ZNF454: variants seen among roughly 807,000 people sequenced by gnomAD.
ZNF454 encodes the protein zinc finger protein 454.
A neutral mutation model predicts 48.2 loss-of-function variants in ZNF454; 30 were observed. The observed-to-expected ratio is 0.62, with a 90% confidence interval of 0.47 to 0.84. The LOEUF (loss-of-function observed/expected upper bound fraction) is 0.84. Among genes scored for constraint, ZNF454 ranks in the 40% least tolerant of loss-of-function variants. The probability of loss-of-function intolerance (pLI) is 0.00; values close to 1 mark genes in which losing one functional copy is unlikely to be tolerated. For synonymous variants in ZNF454, 204 were observed against 211.4 expected (o/e 0.97, Z 0.30); for missense variants, 510 against 623.1 (o/e 0.82, Z 1.93).
chr5:178,981,709 G>A, the ZNF454 span: 2 of 1,614,144 alleles, frequency 1.2e-6, no homozygotes, highest in Non-Finnish European at 1.7e-6. This position sits in a 1 kb window ranked among gnomAD's most constrained non-coding sequence, Gnocchi z 5.1. Context: ...CACCGTGGAG[G>A]TGGCCTTGAG....
rs555544692 is a variant in ZNF454 at position 178,944,548 on chromosome 5, G to T, written c.33+1724G>T. Reference sequence around the variant, plus strand: ...CATGGCTTCCATCCAAGTGTTTCTTGACTGCCTGTCATGGGCCAAGTCTCT... The same window carrying T: ...CATGGCTTCCATCCAAGTGTTTCTTTACTGCCTGTCATGGGCCAAGTCTCT... On this transcript the variant is annotated intron_variant, in intron 2 of 4. Coordinates refer to ENST00000519564, the MANE Select transcript of ZNF454 (RefSeq NM_001178089.3). The surrounding 1 kb of genome is among the most constrained non-coding windows in gnomAD (Gnocchi z 4.1). 2.0e-5 allele frequency among the ~76,000 whole-genome samples: 3 copies of T among 152,300 alleles called. No homozygotes were observed. The highest frequency in any genetic ancestry group is 2.0e-4 in the Admixed American group (3 of 15,306).
In ZNF454 at chr5:178,966,290, C is replaced by T. The variant is rs975203862; in HGVS notation, c.*317C>T. 2.2e-5 allele frequency: 4 copies of T among 180,298 alleles called. No homozygotes were observed. The highest frequency in any genetic ancestry group is 1.1e-4 in the Admixed American group (2 of 18,092). 11.2% of individuals were successfully genotyped at this position (180,298 alleles called of 1,614,324 possible). ...GCTACTAAAAATATAAAAAATTACC[C>T]GGGCATGGTGGTGGGCGCCTGTAGT... On this transcript the variant is annotated 3_prime_UTR_variant, in exon 5 of 5. Transcript: ENST00000519564.
intron 4 of ZNF454, among the ~76,000 whole-genome samples, chr5:178,956,028 G>A (rs567367092): frequency 3.9e-5 from 6 of 152,132 alleles, no homozygotes; most frequent in African/African-American, 1.4e-4. Flanking sequence ...CTTCTCTCAG[G>A]AACCACTGTC....
intron 4 of ZNF454, among the ~76,000 whole-genome samples, chr5:178,960,189 G>A (rs903330710): frequency 3.3e-5 from 5 of 151,314 alleles, no homozygotes; most frequent in East Asian, 2.0e-4. Context: ...AGACTCAAGC[G>A]GTCCTCCTGC....
downstream of ZNF454, chr5:178,969,553 T>C (rs1760210751): frequency 2.2e-6 from 1 of 456,892 alleles, no homozygotes; most frequent in African/African-American, 2.0e-5. Context: ...CACCTGGTGA[T>C]GTGCCACCTT....
At chr5:178,988,192 C>T in the ZNF454 span, among the ~76,000 whole-genome samples, 2 of 152,150 alleles carry the variant, frequency 1.3e-5, no homozygotes, top group South Asian at 2.1e-4. The surrounding 1 kb of genome is among the most constrained non-coding windows in gnomAD (Gnocchi z 6.0). Flanking sequence ...AGTTCAGACA[C>T]GGAGAGAGGT....
In ZNF454 at chr5:178,946,995, C is replaced by T. The variant is rs753058762; in HGVS notation, c.250+9C>T. The T allele has an allele frequency of 5.0e-5, 81 of 1,612,710 alleles. No homozygotes were observed. Among genetic ancestry groups the T allele is most frequent in the Non-Finnish European group, 6.5e-5 (77 of 1,179,224 alleles). On this transcript the variant is annotated intron_variant, in intron 4 of 4. Coordinates refer to ENST00000519564, the MANE Select transcript of ZNF454 (RefSeq NM_001178089.3). The surrounding 1 kb of genome is among the most constrained non-coding windows in gnomAD (Gnocchi z 4.5). Reference sequence around the variant, plus strand: ...TGGAGGCTTCTGTCTTGGTAAGAATCATGTGTGTGGGAGACACCGGGAGGA... The same window carrying T: ...TGGAGGCTTCTGTCTTGGTAAGAATTATGTGTGTGGGAGACACCGGGAGGA...
intron 4 of ZNF454, among the ~76,000 whole-genome samples, chr5:178,951,210 A>T (rs537130300): frequency 1.3e-5 from 2 of 152,290 alleles, no homozygotes; most frequent in East Asian, 3.9e-4. Context: ...TACACACACC[A>T]TTATCATTTC....
At chr5:178,976,379 G>T in the ZNF454 span, among the ~76,000 whole-genome samples, 3 of 152,180 alleles carry the variant, frequency 2.0e-5, no homozygotes, top group African/African-American at 7.2e-5. Flanking sequence ...TGTCTATTTT[G>T]TCTGCTGATG....
chr5:178,984,281 A>G, the ZNF454 span, among the ~76,000 whole-genome samples: 2 of 104,386 alleles, frequency 1.9e-5, no homozygotes, highest in Admixed American at 2.1e-4. Context: ...TGGAGTGGGG[A>G]GCGAGCGAGC....
chr5:178,982,692 TAAAAAAA>T, the ZNF454 span: 66,325 of 432,468 alleles, frequency 0.15, 5,259 homozygotes, highest in East Asian at 0.26. Flanking sequence ...ATGAAAATGA[TAAAAAAA>T]AAAAAGAAAA....
chr5:178,986,497 G>A, the ZNF454 span: 1 of 1,609,830 alleles, frequency 6.2e-7, no homozygotes, highest in East Asian at 2.2e-5. Context: ...CGGCGGGGCT[G>A]CCCAGGGGGA....
the ZNF454 span, among the ~76,000 whole-genome samples, chr5:178,972,883 G>A: frequency 6.6e-6 from 1 of 151,810 alleles, no homozygotes; most frequent in South Asian, 2.1e-4. Flanking sequence ...ATGAATTCTT[G>A]TACCAGCTGC....
At chr5:178,987,603 G>A in the ZNF454 span, 114 of 374,918 alleles carry the variant, frequency 3.0e-4, 1 homozygote, top group South Asian at 2.2e-3. Flanking sequence ...GGTACCGAGG[G>A]TAGACAATTC....
the ZNF454 span, chr5:178,977,307 G>A: frequency 4.8e-6 from 2 of 416,696 alleles, no homozygotes; most frequent in Non-Finnish European, 4.9e-6. Flanking sequence ...TGGGATTAGA[G>A]CCCTTATAAA....
intron 2 of ZNF454, among the ~76,000 whole-genome samples, chr5:178,943,613 C>G (rs1759199697): frequency 6.6e-6 from 1 of 152,224 alleles, no homozygotes; most frequent in Non-Finnish European, 1.5e-5. Flanking sequence ...GTGTGATTTA[C>G]TAGACTCTTT....
At chr5:178,966,433 C>CAAAAA (rs923865302), downstream of ZNF454, 1 of 51,570 alleles carries the variant, frequency 1.9e-5, no homozygotes. Flanking sequence ...GACTCAGTCT[C>CAAAAA]AAAAAAAAAA....
chr5:178,986,180 T>C, the ZNF454 span: 1 of 1,613,914 alleles, frequency 6.2e-7, no homozygotes, highest in Non-Finnish European at 8.5e-7. Flanking sequence ...GTGGGGCTGA[T>C]GAAGGGAGGG....
At chr5:178,955,368 G>GTT (rs1481043840) in intron 4 of ZNF454, among the ~76,000 whole-genome samples, 1 of 152,174 alleles carries the variant, frequency 6.6e-6, no homozygotes, top group Non-Finnish European at 1.5e-5. Context: ...GGTTGAGGAA[G>GTT]TTTATGCCCA....
Sources: allele counts gnomAD v4.1 joint callset (sites outside exome capture counted in the v4.1 genomes callset), GRCh38; gene constraint gnomAD v4.1.1; non-coding constraint Gnocchi (gnomAD v3.1); transcripts MANE v1.5; gene names NCBI Gene and HGNC (gene_info 2026-07-23, HGNC 2026-07-21).